MICU1: variants seen among roughly 807,000 people sequenced by gnomAD.
The protein encoded by MICU1 is mitochondrial calcium uptake 1.
Under a neutral mutation model 56.8 loss-of-function variants are expected in MICU1, and 45 were observed. The observed-to-expected ratio is 0.79, with a 90% CI of 0.62 to 1.02. The LOEUF (loss-of-function observed/expected upper bound fraction) is 1.02, where lower values mean the gene tolerates loss of function less well. Ranked by LOEUF, MICU1 falls within the 50% of genes least tolerant of loss-of-function variation. MICU1 has a pLI of 0.00. For missense variants in MICU1, 504 were observed against 587.1 expected, an observed-to-expected ratio of 0.86 and a Z score of 1.46; for synonymous variants, 186 against 195.1, an observed-to-expected ratio of 0.95 and a Z score of 0.39.
intron 1 of MICU1, among the ~76,000 whole-genome samples, chr10:72,603,037 C>A (rs1841584083): frequency 1.3e-5 from 2 of 151,922 alleles, no homozygotes; most frequent in Non-Finnish European, 2.9e-5. Flanking sequence ...ATGGCGTGAA[C>A]CCAGAAGTCA....
At chr10:72,479,673 G>A (rs899223185) in intron 6 of MICU1, among the ~76,000 whole-genome samples, 18 of 152,090 alleles carry the variant, frequency 1.2e-4, no homozygotes, top group African/African-American at 3.6e-4. Context: ...CTACAGGTGC[G>A]TGCCACCAAG....
intron 4 of MICU1, among the ~76,000 whole-genome samples, chr10:72,537,983 A>C (rs1013837600): frequency 6.6e-6 from 1 of 152,160 alleles, no homozygotes; most frequent in Non-Finnish European, 1.5e-5. Context: ...AGTTCAATAA[A>C]AGGGTGCTGT....
At chr10:72,544,523 T>A (rs1418971131) in intron 4 of MICU1, among the ~76,000 whole-genome samples, 1 of 152,156 alleles carries the variant, frequency 6.6e-6, no homozygotes, top group African/African-American at 2.4e-5. Context: ...AAAATAGAGA[T>A]CCTCTTTGCA....
chr10:72,428,896 T>A (rs921279167), intron 8 of MICU1, among the ~76,000 whole-genome samples: 2 of 152,344 alleles, frequency 1.3e-5, no homozygotes, highest in East Asian at 1.9e-4. Context: ...GGTAATATAC[T>A]GAAGTGACTA....
chr10:72,588,508 A>C (rs978921059), intron 1 of MICU1, among the ~76,000 whole-genome samples: 1 of 152,216 alleles, frequency 6.6e-6, no homozygotes, highest in African/African-American at 2.4e-5. Flanking sequence ...GGAACAATGC[A>C]AGTATGGTCA....
At chr10:72,491,214 C>T (rs11812561) in intron 6 of MICU1, among the ~76,000 whole-genome samples, 6,248 of 152,184 alleles carry the variant, frequency 0.041, 416 homozygotes, top group African/African-American at 0.14. Flanking sequence ...GCAATAAGCC[C>T]CAATAGATAA....
intron 8 of MICU1, among the ~76,000 whole-genome samples, chr10:72,457,351 G>A (rs1435209860): frequency 6.6e-6 from 1 of 150,604 alleles, no homozygotes; most frequent in African/African-American, 2.4e-5. Flanking sequence ...CCAAGTAGCT[G>A]GGACTATAGT....
intron 6 of MICU1, among the ~76,000 whole-genome samples, chr10:72,497,065 CT>C (rs113101195): frequency 6.8e-4 from 99 of 145,272 alleles, no homozygotes; most frequent in Non-Finnish European, 7.0e-4. Flanking sequence ...TAAGAGTTTT[CT>C]TTTTTTTTTT....
intron 9 of MICU1, among the ~76,000 whole-genome samples, chr10:72,413,234 A>C (rs1449646396): frequency 6.6e-6 from 1 of 152,044 alleles, no homozygotes; most frequent in East Asian, 1.9e-4. Context: ...AAAACAAAAC[A>C]AAACAAAACC....
At chr10:72,550,156 A>T (rs908608650) in intron 4 of MICU1, among the ~76,000 whole-genome samples, 1 of 152,198 alleles carries the variant, frequency 6.6e-6, no homozygotes, top group African/African-American at 2.4e-5. Flanking sequence ...TAGTCTAAGT[A>T]TACAACGTTT....
chr10:72,368,893 C>G (rs1031744351), intron 11 of MICU1, among the ~76,000 whole-genome samples: 1 of 152,078 alleles, frequency 6.6e-6, no homozygotes, highest in African/African-American at 2.4e-5. Context: ...TGAGTACAGG[C>G]AGGATACAGC....
intron 4 of MICU1, among the ~76,000 whole-genome samples, chr10:72,548,143 A>G (rs975373038): frequency 1.3e-5 from 2 of 152,260 alleles, no homozygotes; most frequent in South Asian, 2.1e-4. Context: ...ACAGATACAC[A>G]ACATAGCTGA....
At position 72,405,790 on chromosome 10, in the gene MICU1, C is replaced by G. The variant is rs1366778845; in HGVS notation, c.1180+2139G>C. The stretch of plus-strand genomic sequence containing the variant: ...ATATAGAAAAAAATTTGACAAAATA[C>G]AGGAGCCATTGATGACAAAAACCCT... On this transcript the variant is annotated intron_variant, in intron 10 of 11. Transcript: ENST00000361114. 2.0e-5 allele frequency among the ~76,000 whole-genome samples: 3 copies of G among 151,990 alleles called. No homozygotes were observed. In the South Asian group the frequency reaches 6.2e-4, roughly 31 times the overall value.
intron 10 of MICU1, 60 bp downstream of exon 10, chr10:72,407,869 C>G: frequency 8.9e-7 from 1 of 1,125,012 alleles, no homozygotes; most frequent in South Asian, 1.3e-5. Context: ...GGGCAGTCAC[C>G]TAAGAGATTA....
intron 6 of MICU1, among the ~76,000 whole-genome samples, chr10:72,482,572 C>T (rs542026501): frequency 1.4e-4 from 21 of 152,146 alleles, no homozygotes; most frequent in African/African-American, 4.8e-4. Context: ...ACATTGTTGA[C>T]CATATTAAAT....
intron 1 of MICU1, among the ~76,000 whole-genome samples, chr10:72,603,670 G>A (rs1005729696): frequency 1.3e-5 from 2 of 152,034 alleles, no homozygotes; most frequent in African/African-American, 4.8e-5. Context: ...CGGGTGTGGT[G>A]GCACATGCCT....
intron 10 of MICU1, among the ~76,000 whole-genome samples, chr10:72,378,642 G>A (rs1342166539): frequency 6.6e-6 from 1 of 152,174 alleles, no homozygotes; most frequent in Non-Finnish European, 1.5e-5. Context: ...CATCACCACA[G>A]TGCCCCCAAC....
At chr10:72,459,096 CA>C in intron 8 of MICU1, among the ~76,000 whole-genome samples, 1 of 151,988 alleles carries the variant, frequency 6.6e-6, no homozygotes, top group Admixed American at 6.6e-5. Context: ...TTTGGGAAGC[CA>C]AGGCAGGTGG....
chr10:72,613,269 A>AT (rs34740619), intron 1 of MICU1, among the ~76,000 whole-genome samples: 60,201 of 129,314 alleles, frequency 0.47, 17,351 homozygotes, highest in Non-Finnish European at 0.66. Flanking sequence ...TTTACCCCTA[A>AT]TTTTTTTTTT....
Sources: gnomAD v4.1 joint callset for allele counts (sites outside exome capture counted in the v4.1 genomes callset) on GRCh38, gnomAD v4.1.1 for gene constraint, MANE v1.5 for transcripts, NCBI Gene and HGNC (gene_info 2026-07-23, HGNC 2026-07-21) for gene names.